NBAS: variants seen among roughly 807,000 people sequenced by gnomAD.
NBAS encodes NBAS subunit of NRZ tethering complex.
NBAS carries 219 observed loss-of-function variants against 302.5 expected under a neutral mutation model. The ratio of observed to expected loss-of-function variants is 0.72; its 90% CI spans 0.65 to 0.81. The LOEUF (loss-of-function observed/expected upper bound fraction) is 0.81, where lower values mean the gene tolerates loss of function less well. NBAS is among the 30% of genes least tolerant of loss of function. The pLI is 0.00. For synonymous variants in NBAS, 1,118 were observed against 1,021.6 expected, an observed-to-expected ratio of 1.09 and a Z score of -1.80; for missense variants, 2,932 against 2,841.6, an observed-to-expected ratio of 1.03 and a Z score of -0.72.
chr2:14,791,752 C>T, the NBAS span, among the ~76,000 whole-genome samples: 2 of 151,676 alleles, frequency 1.3e-5, no homozygotes, highest in South Asian at 2.1e-4. Flanking sequence ...GGCAGTGAGC[C>T]GAGATTTCAC....
the NBAS span, among the ~76,000 whole-genome samples, chr2:14,932,942 T>C: frequency 6.6e-6 from 1 of 152,200 alleles, no homozygotes; most frequent in Non-Finnish European, 1.5e-5. Context: ...GAACTAATAT[T>C]CTACTAAGTA....
the NBAS span, among the ~76,000 whole-genome samples, chr2:15,011,933 A>C: frequency 1.3e-5 from 2 of 152,208 alleles, no homozygotes; most frequent in Non-Finnish European, 2.9e-5. Context: ...TTTCCTAAAA[A>C]ATCTACTCCA....
the NBAS span, chr2:14,907,722 A>G: frequency 6.6e-6 from 1 of 152,186 alleles, no homozygotes; most frequent in Non-Finnish European, 1.5e-5. Flanking sequence ...CAGCCTTATC[A>G]TTTATGTATC....
chr2:15,461,627 G>T, intron 20 of NBAS, 60 bp downstream of exon 20: 1 of 1,040,508 alleles, frequency 9.6e-7, no homozygotes, highest in Non-Finnish European at 1.5e-6. Flanking sequence ...TAACTGCACA[G>T]CTCAAAGATT....
the NBAS span, among the ~76,000 whole-genome samples, chr2:15,077,329 C>T: frequency 3.3e-5 from 5 of 152,198 alleles, no homozygotes; most frequent in Admixed American, 6.5e-5. Flanking sequence ...CCTCCCTCAA[C>T]TCGTGGGGAT....
the NBAS span, among the ~76,000 whole-genome samples, chr2:14,888,046 TGA>T: frequency 6.6e-6 from 1 of 152,200 alleles, no homozygotes; most frequent in African/African-American, 2.4e-5. Context: ...CCAAGACAAG[TGA>T]TCTTTTCAGG....
chr2:14,855,161 C>T, the NBAS span, among the ~76,000 whole-genome samples: 1 of 152,086 alleles, frequency 6.6e-6, no homozygotes, highest in African/African-American at 2.4e-5. Context: ...TGTCTAGACA[C>T]ACCCTGGGAC....
the NBAS span, among the ~76,000 whole-genome samples, chr2:15,112,499 T>G: frequency 2.0e-5 from 3 of 152,056 alleles, no homozygotes; most frequent in Admixed American, 1.3e-4. Flanking sequence ...TACTAAAAAT[T>G]GCAATTCAAG....
intron 35 of NBAS, among the ~76,000 whole-genome samples, chr2:15,342,537 C>G (rs1458314215): frequency 6.6e-6 from 1 of 151,946 alleles, no homozygotes; most frequent in African/African-American, 2.4e-5. Flanking sequence ...TACAGAAAAT[C>G]TGTCTGTACT....
In NBAS at chr2:15,275,800, A is replaced by AG; in HGVS notation, c.5407dup (p.Leu1803ProfsTer4). Reference sequence around the variant, plus strand: ...AAGAGGACTCATGTTTTCATCTGTCAGCTTTTTGTAATTAAGACCTAGCAG... The same window carrying AG: ...AAGAGGACTCATGTTTTCATCTGTCAGGCTTTTTGTAATTAAGACCTAGCAG... On this transcript the variant is annotated frameshift_variant, in exon 44 of 52. Transcript: ENST00000281513. LOFTEE classifies it high-confidence loss of function. 6.2e-7 allele frequency: 1 copy of AG among 1,613,662 alleles called. No homozygotes were observed. Among genetic ancestry groups the AG allele is most frequent in the Non-Finnish European group, 8.5e-7 (1 of 1,180,008 alleles).
intron 35 of NBAS, among the ~76,000 whole-genome samples, chr2:15,339,470 A>G (rs1202006275): frequency 1.3e-5 from 2 of 152,198 alleles, no homozygotes; most frequent in Admixed American, 1.3e-4. Context: ...TCACATCCAT[A>G]TCTTACTTTC....
intron 8 of NBAS, among the ~76,000 whole-genome samples, 163 bp from the exon 9 acceptor site, chr2:15,534,804 A>G (rs1309820402): frequency 6.6e-6 from 1 of 152,244 alleles, no homozygotes; most frequent in African/African-American, 2.4e-5. Flanking sequence ...AAGGTAATTG[A>G]TAAAACCACT....
chr2:15,068,508 G>T, the NBAS span, among the ~76,000 whole-genome samples: 1 of 152,216 alleles, frequency 6.6e-6, no homozygotes. Flanking sequence ...ACCCCACTCT[G>T]CCACCCACTC....
chr2:15,521,891 AAGAGG>A (rs1299030729), intron 9 of NBAS, among the ~76,000 whole-genome samples: 4 of 152,140 alleles, frequency 2.6e-5, no homozygotes, highest in African/African-American at 9.7e-5. Context: ...TTCACACTAC[AAGAGG>A]AGAGTTTAGT....
At chr2:15,261,879 T>C (rs905686467) in intron 44 of NBAS, among the ~76,000 whole-genome samples, 3 of 152,238 alleles carry the variant, frequency 2.0e-5, no homozygotes, top group East Asian at 1.9e-4. Context: ...ATACCACAAA[T>C]TGTTATTATT....
At chr2:15,519,489 T>C (rs62120660) in intron 9 of NBAS, among the ~76,000 whole-genome samples, 2 of 151,784 alleles carry the variant, frequency 1.3e-5, no homozygotes, top group East Asian at 1.9e-4. Flanking sequence ...CAAGCTGGAG[T>C]GCAATGGTGG....
the NBAS span, among the ~76,000 whole-genome samples, chr2:14,867,343 A>G: frequency 1.3e-5 from 2 of 152,150 alleles, no homozygotes; most frequent in Non-Finnish European, 2.9e-5. Flanking sequence ...TAATTATATC[A>G]TGTTTGCTAA....
chr2:15,139,675 G>T, the NBAS span, among the ~76,000 whole-genome samples: 1 of 152,136 alleles, frequency 6.6e-6, no homozygotes, highest in African/African-American at 2.4e-5. Context: ...GAACATAAGA[G>T]AAACCATGCC....
At chr2:15,244,472 C>G (rs954988933) in intron 44 of NBAS, among the ~76,000 whole-genome samples, 1 of 152,100 alleles carries the variant, frequency 6.6e-6, no homozygotes, top group South Asian at 2.1e-4. Context: ...GTAGGGAAGC[C>G]TTCATAATGT....
Sources: allele counts gnomAD v4.1 joint callset (sites outside exome capture counted in the v4.1 genomes callset), GRCh38; gene constraint gnomAD v4.1.1; transcripts MANE v1.5; gene names NCBI Gene and HGNC (gene_info 2026-07-23, HGNC 2026-07-21).